Variants in SLIT3 observed in about 807,000 individuals in gnomAD.
SLIT3 encodes the protein slit homolog 3 protein.
A neutral mutation model predicts 184.0 loss-of-function variants in SLIT3; 68 were observed. The observed-to-expected ratio is 0.37, with a 90% CI of 0.30 to 0.45. SLIT3 has a LOEUF of 0.45. SLIT3 is among the 20% of genes least tolerant of loss of function. The probability of loss-of-function intolerance (pLI) is 1.00; values close to 1 mark genes in which losing one functional copy is unlikely to be tolerated. For synonymous variants in SLIT3, 831 were observed against 828.6 expected, an observed-to-expected ratio of 1.00 and a Z score of -0.05; for missense variants, 1,707 against 2,026.0, an observed-to-expected ratio of 0.84 and a Z score of 3.02.
chr5:169,160,259 C>T (rs1368410237), intron 4 of SLIT3, among the ~76,000 whole-genome samples: 2 of 152,202 alleles, frequency 1.3e-5, no homozygotes, highest in Non-Finnish European at 2.9e-5. Flanking sequence ...CTATTATCTT[C>T]CTTTTATAAT....
At chr5:169,255,192 T>G (rs534536355) in intron 1 of SLIT3, among the ~76,000 whole-genome samples, 14 of 152,240 alleles carry the variant, frequency 9.2e-5, no homozygotes, top group African/African-American at 3.4e-4. Flanking sequence ...GTATTTACTA[T>G]GCCATACTGT....
In SLIT3 at chr5:169,300,435, A is replaced by G; in HGVS notation, c.197+78T>C. ...CTGCATCCAGGGAGGCCGAGGGGAAAGGACGGATCTGGCGCCTGGGGCCCC... is the reference window on the plus strand; with the variant it reads ...CTGCATCCAGGGAGGCCGAGGGGAAGGGACGGATCTGGCGCCTGGGGCCCC... On this transcript the variant is annotated intron_variant, in intron 1 of 35. Coordinates refer to ENST00000519560, the MANE Select transcript of SLIT3 (RefSeq NM_003062.4). This position sits in a 1 kb window ranked among gnomAD's most constrained non-coding sequence, Gnocchi z 4.1. 3.7e-6 allele frequency: 5 copies of G among 1,369,746 alleles called. No homozygotes were observed. Among genetic ancestry groups the G allele is most frequent in the Non-Finnish European group, 3.8e-6 (4 of 1,064,242 alleles). The allele number at this position is 1,369,746 out of a possible 1,614,324, so 84.8% of individuals were successfully genotyped here.
At chr5:169,054,288 A>G (rs988656549) in intron 4 of SLIT3, among the ~76,000 whole-genome samples, 7 of 151,250 alleles carry the variant, frequency 4.6e-5, no homozygotes, top group African/African-American at 1.7e-4. Context: ...GCCACAAACC[A>G]AAGAATACTG....
rs146474556 is a variant in SLIT3, at chr5:169,294,757, C to T, written c.197+5756G>A. ...GCAAACCTCATAGAGTGCACTCACACGAGCCCAGATGGTCTAGCCTACTAT... is the reference window on the plus strand; with the variant it reads ...GCAAACCTCATAGAGTGCACTCACATGAGCCCAGATGGTCTAGCCTACTAT... On this transcript the variant is annotated intron_variant, in intron 1 of 35. Coordinates refer to ENST00000519560, the MANE Select transcript of SLIT3 (RefSeq NM_003062.4). Among the ~76,000 whole-genome samples, 7 of 152,304 alleles carry T rather than the reference C, an allele frequency of 4.6e-5. No individual in the cohort carries two copies. In the East Asian group the frequency reaches 5.8e-4, roughly 13 times the overall value.
At chr5:168,905,539 T>A (rs775180348) in intron 4 of SLIT3, among the ~76,000 whole-genome samples, 1 of 152,108 alleles carries the variant, frequency 6.6e-6, no homozygotes, top group East Asian at 1.9e-4. Context: ...ATGGTTCAGG[T>A]CTGTACACAG....
intron 1 of SLIT3, among the ~76,000 whole-genome samples, chr5:169,266,160 A>G (rs186629037): frequency 6.6e-6 from 1 of 152,298 alleles, no homozygotes; most frequent in East Asian, 1.9e-4. Flanking sequence ...GCCTGTTCTC[A>G]AAACACTTCC....
chr5:168,942,570 C>G (rs1241605074), intron 4 of SLIT3, among the ~76,000 whole-genome samples: 1 of 152,212 alleles, frequency 6.6e-6, no homozygotes, highest in Non-Finnish European at 1.5e-5. Flanking sequence ...TCTGCTTACA[C>G]AGAAACCTCT....
intron 4 of SLIT3, among the ~76,000 whole-genome samples, chr5:168,960,522 T>G (rs1762969207): frequency 6.6e-6 from 1 of 152,126 alleles, no homozygotes; most frequent in Non-Finnish European, 1.5e-5. Flanking sequence ...TCACACAGAT[T>G]TAAGTGGCAG....
At chr5:169,226,498 T>C (rs17735629) in intron 3 of SLIT3, among the ~76,000 whole-genome samples, 19,109 of 152,094 alleles carry the variant, frequency 0.13, 1,610 homozygotes, top group East Asian at 0.46. Context: ...TCTCTGATCT[T>C]CGGGACTAAA....
chr5:168,784,480 A>G (rs1221882903), intron 12 of SLIT3, among the ~76,000 whole-genome samples: 2 of 152,314 alleles, frequency 1.3e-5, no homozygotes, highest in East Asian at 3.9e-4. Context: ...CTTCACTGAA[A>G]CAAACCTGGT....
At chr5:168,794,558 AC>A (rs1330851954) in intron 10 of SLIT3, among the ~76,000 whole-genome samples, 1 of 152,164 alleles carries the variant, frequency 6.6e-6, no homozygotes, top group Non-Finnish European at 1.5e-5. Context: ...GGTTGGTATC[AC>A]CCGGCACTGA....
chr5:168,713,137 CTCAT>C (rs1175394806), intron 23 of SLIT3, among the ~76,000 whole-genome samples: 1 of 152,226 alleles, frequency 6.6e-6, no homozygotes, highest in Admixed American at 6.5e-5. Context: ...GAGCCGAACA[CTCAT>C]TGTTATGGAA....
At chr5:168,688,000 GGAAGCTGCCCCA>G (rs1390764418) in intron 29 of SLIT3, among the ~76,000 whole-genome samples, 1 of 152,208 alleles carries the variant, frequency 6.6e-6, no homozygotes, top group Non-Finnish European at 1.5e-5. Context: ...CCTGGCCAGA[GGAAGCTGCCCCA>G]GCTAAAACCT....
rs545682251 is a variant in SLIT3 at position 169,154,587 on chromosome 5, T to C, written c.413+38892A>G. ...GTCAAATCCCAGCCCCAGAGCTCCATTGGCTGTGCAAACTCGAACATGTTC... is the reference window on the plus strand; with the variant it reads ...GTCAAATCCCAGCCCCAGAGCTCCACTGGCTGTGCAAACTCGAACATGTTC... On this transcript the variant is annotated intron_variant, in intron 4 of 35. Transcript: ENST00000519560. 1.4e-4 allele frequency among the ~76,000 whole-genome samples: 21 copies of C among 152,366 alleles called. No individual in the cohort carries two copies. In the East Asian group the frequency reaches 3.5e-3, roughly 25 times the overall value.
chr5:169,169,037 T>TGG (rs34255426), intron 4 of SLIT3, among the ~76,000 whole-genome samples: 4 of 149,368 alleles, frequency 2.7e-5, no homozygotes, highest in African/African-American at 4.9e-5. Flanking sequence ...CAGCCCAGAG[T>TGG]GGGGGGGGGA....
At chr5:168,909,012 C>A (rs1159110383) in intron 4 of SLIT3, among the ~76,000 whole-genome samples, 1 of 152,166 alleles carries the variant, frequency 6.6e-6, no homozygotes, top group Non-Finnish European at 1.5e-5. Flanking sequence ...TGAAAACCAC[C>A]AGGTACCCGC....
At position 168,683,396 on chromosome 5, in the gene SLIT3, T is replaced by C. The variant is rs1207924275; in HGVS notation, c.3686+570A>G. 4.1e-5 allele frequency among the ~76,000 whole-genome samples: 6 copies of C among 145,208 alleles called. No individual in the cohort carries two copies. The Admixed American group carries it at 4.1e-4, about 10-fold the overall frequency. On this transcript the variant is annotated intron_variant, in intron 32 of 35. Transcript: ENST00000519560. ...AAAAAAAAAAAAAAAGAAAAGAAAG[T>C]GAGCAGTTGAAAGTTGCTGTAAGGC... is the stretch of plus-strand genomic sequence containing the variant.
At chr5:169,027,340 T>G (rs57749953) in intron 4 of SLIT3, among the ~76,000 whole-genome samples, 152 of 152,348 alleles carry the variant, frequency 1.0e-3, no homozygotes, top group African/African-American at 3.2e-3. Flanking sequence ...ATAATATTTC[T>G]TGATGCTCAT....
At chr5:169,234,349 A>G (rs1018324836) in intron 3 of SLIT3, among the ~76,000 whole-genome samples, 2 of 152,158 alleles carry the variant, frequency 1.3e-5, no homozygotes, top group Non-Finnish European at 2.9e-5. Flanking sequence ...GATTTTTGGA[A>G]GTGTTGACTG....
Sources: gnomAD v4.1 joint callset for allele counts (sites outside exome capture counted in the v4.1 genomes callset) on GRCh38, gnomAD v4.1.1 for gene constraint, Gnocchi (gnomAD v3.1) non-coding constraint, MANE v1.5 for transcripts, NCBI Gene and HGNC (gene_info 2026-07-23, HGNC 2026-07-21) for gene names.